The following DYRK1A variants were observed in gnomAD, a reference collection of about 807,000 sequenced individuals.
The protein encoded by DYRK1A is dual specificity tyrosine-phosphorylation-regulated kinase 1A.
Under a neutral mutation model 79.7 loss-of-function variants are expected in DYRK1A, and 9 were observed. The ratio of observed to expected loss-of-function variants is 0.11; its 90% CI spans 0.07 to 0.20. The LOEUF is 0.20. Ranked by LOEUF, DYRK1A falls within the 10% of genes least tolerant of loss-of-function variation. The pLI, the probability that DYRK1A is intolerant of heterozygous loss-of-function variation, is 1.00. For synonymous variants in DYRK1A, 349 were observed against 329.7 expected (o/e 1.06, Z -0.63); for missense variants, 622 against 956.0 (o/e 0.65, Z 4.61).
chr21:37,402,915 C>T (rs567063003), intron 1 of DYRK1A, among the ~76,000 whole-genome samples: 1 of 152,160 alleles, frequency 6.6e-6, no homozygotes, highest in Non-Finnish European at 1.5e-5. Context: ...AGGTATGCAC[C>T]ACTATGCCTG....
Position 37,472,749 on chromosome 21 carries a change from G to A in DYRK1A, c.76G>A (p.Ala26Thr), listed in dbSNP as rs2148556430. ...TGCACCGTCATTTTCATTCCATGCT[G>A]CTGGCCTTCAGATGGCTGGACAGAT... ...RLAPSFSFHA[A>T]GLQMAGQMPH... is the part of the protein sequence containing the mutation. Residue 26 changes from alanine (A) to threonine (T), a missense_variant, in exon 3 of 12, where the codon GCT becomes ACT. By Grantham distance (58) the Ala-to-Thr change is moderately conservative (BLOSUM62 0). This residue lies in a region of DYRK1A where 91 missense variants were observed against 113.8 expected (regional missense o/e 0.80). Transcript: ENST00000647188. 6.2e-7 allele frequency: 1 copy of A among 1,612,318 alleles called. No homozygotes were observed. The highest frequency in any genetic ancestry group is 8.5e-7 in the Non-Finnish European group (1 of 1,178,736).
At chr21:37,491,020 G>A (rs2053074836) in intron 7 of DYRK1A, among the ~76,000 whole-genome samples, 1 of 151,990 alleles carries the variant, frequency 6.6e-6, no homozygotes, top group African/African-American at 2.4e-5. Context: ...AAAAATGCAG[G>A]TAATTTTGCA....
chr21:37,401,036 TG>T (rs937682792), intron 1 of DYRK1A, among the ~76,000 whole-genome samples: 4 of 151,954 alleles, frequency 2.6e-5, no homozygotes, highest in African/African-American at 9.7e-5. Context: ...CCCAGCTACT[TG>T]GGAGGCTGAG....
intron 5 of DYRK1A, among the ~76,000 whole-genome samples, chr21:37,484,896 A>G (rs1469081254): frequency 1.3e-5 from 2 of 152,142 alleles, no homozygotes; most frequent in Admixed American, 6.5e-5. Context: ...GGTGTTGTGC[A>G]GTGTCCACGT....
chr21:37,374,185 G>GT (rs2049490027), intron 1 of DYRK1A, among the ~76,000 whole-genome samples: 1 of 151,868 alleles, frequency 6.6e-6, no homozygotes, highest in South Asian at 2.1e-4. Context: ...TGCATTTAGT[G>GT]TTAATAGTCC....
At chr21:37,415,900 AATG>A (rs2050328780) in intron 1 of DYRK1A, among the ~76,000 whole-genome samples, 1 of 152,130 alleles carries the variant, frequency 6.6e-6, no homozygotes. Flanking sequence ...AATTACTGCT[AATG>A]AGCTCTTGTT....
chr21:37,473,717 T>C (rs780380110), intron 3 of DYRK1A, among the ~76,000 whole-genome samples: 1 of 152,234 alleles, frequency 6.6e-6, no homozygotes, highest in Non-Finnish European at 1.5e-5. Context: ...GTCTTGTTTA[T>C]ATTAAAACGT....
intron 2 of DYRK1A, among the ~76,000 whole-genome samples, chr21:37,436,379 C>T (rs2050924985): frequency 6.6e-6 from 1 of 152,178 alleles, no homozygotes; most frequent in African/African-American, 2.4e-5. Flanking sequence ...AGTGCCCCAG[C>T]TTCCAGGCAG....
At chr21:37,445,014 A>G (rs1386837276) in intron 2 of DYRK1A, among the ~76,000 whole-genome samples, 3 of 152,132 alleles carry the variant, frequency 2.0e-5, no homozygotes, top group African/African-American at 7.2e-5. Flanking sequence ...TGGGACACCT[A>G]AAAGTTAAGA....
intron 2 of DYRK1A, among the ~76,000 whole-genome samples, chr21:37,439,299 A>G (rs912206967): frequency 6.6e-6 from 1 of 152,180 alleles, no homozygotes; most frequent in African/African-American, 2.4e-5. Context: ...GCCGTTCTAC[A>G]TTGGCTCCAA....
In DYRK1A at chr21:37,519,748, T is replaced by TGTTTTGTTTTG. The variant is rs1555999068; in HGVS notation, c.*7217_*7218insGTTTTGTTTTG. 1 of 126,718 alleles carries TGTTTTGTTTTG rather than the reference T, an allele frequency of 7.9e-6. No homozygotes were observed. Among genetic ancestry groups the TGTTTTGTTTTG allele is most frequent in the Admixed American group, 7.5e-5 (1 of 13,370 alleles). 7.8% of individuals were successfully genotyped at this position (126,718 alleles called of 1,614,324 possible). A position where few individuals can be genotyped will look rare whatever the true frequency, so the allele number is the denominator to read the frequency against. On this transcript the variant is annotated 3_prime_UTR_variant, in exon 12 of 12. Coordinates refer to ENST00000647188, the MANE Select transcript of DYRK1A (RefSeq NM_001347721.2). ...TTTGTTGTGGGAAGTTTTTTTTTTT[T>TGTTTTGTTTTG]TTTTTTTTTTTGAGGCGGAGTCTCG...
At chr21:37,464,772 G>A (rs1198291257) in intron 2 of DYRK1A, among the ~76,000 whole-genome samples, 2 of 152,156 alleles carry the variant, frequency 1.3e-5, no homozygotes, top group Non-Finnish European at 2.9e-5. Context: ...ATATGGTTCC[G>A]CATAATACTT....
rs73408663 is a variant in DYRK1A at position 37,428,276 on chromosome 21, A to G, written c.10+7892A>G. 1.9e-3 allele frequency among the ~76,000 whole-genome samples: 295 copies of G among 152,304 alleles called. 1 individual carries two copies. Among genetic ancestry groups the G allele is most frequent in the African/African-American group, 6.6e-3 (276 of 41,554 alleles). ...TTATACAAGAGCTTTAACTTTTTGT[A>G]TGGGAGAACTAAGTTTTATTTATTA... On this transcript the variant is annotated intron_variant, in intron 2 of 11. Transcript: ENST00000647188.
chr21:37,462,947 G>A (rs2051893216), intron 2 of DYRK1A, among the ~76,000 whole-genome samples: 1 of 152,108 alleles, frequency 6.6e-6, no homozygotes, highest in Admixed American at 6.5e-5. Flanking sequence ...CTGGTACCAG[G>A]TACTCTACAA....
chr21:37,512,654 G>A lies in DYRK1A; in HGVS notation c.*123G>A. ...TAACACACTGAACCGCTACAAGAGG[G>A]CAAAGCTGATTTTTTTTTTAACTTG... On this transcript the variant is annotated 3_prime_UTR_variant, in exon 12 of 12. Transcript: ENST00000647188. 4 of 1,195,708 alleles carry A rather than the reference G, an allele frequency of 3.3e-6. No individual in the cohort carries two copies. The highest frequency in any genetic ancestry group is 2.7e-5 in the Admixed American group (1 of 37,038). 74.1% of individuals were successfully genotyped at this position (1,195,708 alleles called of 1,614,324 possible).
At chr21:37,456,953 A>G (rs930121660) in intron 2 of DYRK1A, among the ~76,000 whole-genome samples, 1 of 152,162 alleles carries the variant, frequency 6.6e-6, no homozygotes, top group Non-Finnish European at 1.5e-5. Context: ...CTTTATCCAT[A>G]CTATCATTAC....
At chr21:37,454,044 C>CA (rs1388632311) in intron 2 of DYRK1A, among the ~76,000 whole-genome samples, 1 of 147,754 alleles carries the variant, frequency 6.8e-6, no homozygotes, top group Non-Finnish European at 1.5e-5. Context: ...CTTGAGTCCT[C>CA]AATCTCCTAC....
upstream of DYRK1A, among the ~76,000 whole-genome samples, chr21:37,366,716 A>G (rs1036645355): frequency 9.2e-5 from 14 of 151,408 alleles, no homozygotes; most frequent in Admixed American, 3.3e-4. Context: ...GGGGGGCGGG[A>G]GGAGGACGTC....
intron 1 of DYRK1A, among the ~76,000 whole-genome samples, chr21:37,398,240 A>G (rs2049994145): frequency 6.6e-6 from 1 of 151,170 alleles, no homozygotes; most frequent in African/African-American, 2.4e-5. Flanking sequence ...GCTACTCTGG[A>G]GGTGGGAGGA....
Sources: allele counts gnomAD v4.1 joint callset (sites outside exome capture counted in the v4.1 genomes callset), GRCh38; gene constraint gnomAD v4.1.1; regional missense constraint gnomAD v4.1.1; transcripts MANE v1.5; gene names NCBI Gene and HGNC (gene_info 2026-07-23, HGNC 2026-07-21).